ASPRV1: variants seen among roughly 807,000 people sequenced by gnomAD.
The protein encoded by ASPRV1 is retroviral-like aspartic protease 1.
In ASPRV1, 7 loss-of-function variants were observed where a neutral mutation model predicts 11.0. That is an observed-to-expected ratio of 0.64 (90% CI 0.36 to 1.20). The LOEUF is 1.20. Ranked by LOEUF, ASPRV1 falls within the 50% of genes most tolerant of loss-of-function variation. ASPRV1 has a pLI of 0.02. For missense variants in ASPRV1, 299 were observed against 320.0 expected, an observed-to-expected ratio of 0.93 and a Z score of 0.50; for synonymous variants, 136 against 138.4, an observed-to-expected ratio of 0.98 and a Z score of 0.12.
At chr2:70,048,276 G>A in the ASPRV1 span, among the ~76,000 whole-genome samples, 12 of 151,236 alleles carry the variant, frequency 7.9e-5, no homozygotes, top group East Asian at 1.6e-3. Flanking sequence ...TTAGCCGGGC[G>A]TGGTGGCAGG....
At chr2:69,977,784 G>A in the ASPRV1 span, among the ~76,000 whole-genome samples, 1 of 152,206 alleles carries the variant, frequency 6.6e-6, no homozygotes, top group African/African-American at 2.4e-5. Flanking sequence ...GGAAAGTTGG[G>A]TGGAATGCAT....
the ASPRV1 span, among the ~76,000 whole-genome samples, chr2:70,019,560 A>C: frequency 6.8e-4 from 104 of 152,376 alleles, no homozygotes; most frequent in Non-Finnish European, 1.3e-3. Context: ...GTACATATAC[A>C]CAATGGAGTA....
the ASPRV1 span, among the ~76,000 whole-genome samples, chr2:69,994,572 G>A: frequency 6.6e-6 from 1 of 152,146 alleles, no homozygotes; most frequent in Non-Finnish European, 1.5e-5. Flanking sequence ...AGTTGGGAAG[G>A]GCTGGCTGTC....
At chr2:70,021,761 G>A in the ASPRV1 span, among the ~76,000 whole-genome samples, 1 of 151,680 alleles carries the variant, frequency 6.6e-6, no homozygotes, top group African/African-American at 2.4e-5. Context: ...GGAGTGAGGT[G>A]GCACGATCTC....
chr2:70,046,923 T>C, the ASPRV1 span: 1 of 152,206 alleles, frequency 6.6e-6, no homozygotes, highest in Non-Finnish European at 1.5e-5. Context: ...TTCTTTATAC[T>C]TGTTTTGCAT....
the ASPRV1 span, chr2:70,059,582 G>C: frequency 6.5e-6 from 1 of 152,884 alleles, no homozygotes. Flanking sequence ...TACATTTATT[G>C]TGCACGTTAT....
At chr2:70,066,119 C>G in the ASPRV1 span, among the ~76,000 whole-genome samples, 3 of 151,798 alleles carry the variant, frequency 2.0e-5, no homozygotes, top group African/African-American at 7.3e-5. Flanking sequence ...TGAGGCAGGA[C>G]AATCGCTTGA....
chr2:69,937,005 A>G, the ASPRV1 span: 1 of 648,168 alleles, frequency 1.5e-6, no homozygotes, highest in East Asian at 3.3e-5. Flanking sequence ...TCACCCCCAG[A>G]ATCCCTGTGA....
the ASPRV1 span, among the ~76,000 whole-genome samples, chr2:70,074,416 G>C: frequency 4.6e-5 from 7 of 151,132 alleles, no homozygotes; most frequent in Non-Finnish European, 1.0e-4. Flanking sequence ...AGCCTCCCGA[G>C]TAGCTGGGAC....
At chr2:69,996,662 C>A in the ASPRV1 span, 12 of 454,554 alleles carry the variant, frequency 2.6e-5, no homozygotes, top group Middle Eastern at 6.5e-4. Flanking sequence ...CTGAGAGAGG[C>A]ACTGGAATGA....
chr2:70,087,121 T>A, the ASPRV1 span: 1 of 152,126 alleles, frequency 6.6e-6, no homozygotes, highest in Non-Finnish European at 1.5e-5. Context: ...TGCCTGCAGT[T>A]TCCGCCGGGG....
the ASPRV1 span, among the ~76,000 whole-genome samples, chr2:70,082,156 T>C: frequency 3.0e-4 from 46 of 152,006 alleles, no homozygotes; most frequent in South Asian, 1.0e-3. Flanking sequence ...TGTGTGTGTG[T>C]GTATTTTTAG....
At chr2:70,057,040 A>C in the ASPRV1 span, among the ~76,000 whole-genome samples, 5 of 151,910 alleles carry the variant, frequency 3.3e-5, no homozygotes, top group Non-Finnish European at 5.9e-5. Flanking sequence ...CCCAGCTCAC[A>C]ACTACTCTTT....
chr2:70,080,340 C>T, the ASPRV1 span, among the ~76,000 whole-genome samples: 3 of 152,082 alleles, frequency 2.0e-5, no homozygotes, highest in Admixed American at 6.6e-5. Flanking sequence ...AATTCTCCTA[C>T]CTCAGCCACC....
the ASPRV1 span, among the ~76,000 whole-genome samples, chr2:70,005,244 G>A: frequency 2.0e-5 from 3 of 152,094 alleles, no homozygotes; most frequent in Non-Finnish European, 4.4e-5. Context: ...ACTTTTTGTG[G>A]AGACGGGGTT....
At chr2:69,958,851 C>T (rs948082572), downstream of ASPRV1, among the ~76,000 whole-genome samples, 3 of 152,190 alleles carry the variant, frequency 2.0e-5, no homozygotes, top group Non-Finnish European at 4.4e-5. Flanking sequence ...TCCAGTTCTC[C>T]CACCCACTTC....
chr2:69,934,633 A>G, the ASPRV1 span, among the ~76,000 whole-genome samples: 6 of 152,238 alleles, frequency 3.9e-5, no homozygotes, highest in Non-Finnish European at 8.8e-5. Context: ...TTGTCTACAT[A>G]CAAGAAAACA....
At chr2:69,974,895 G>A in the ASPRV1 span, among the ~76,000 whole-genome samples, 1 of 152,368 alleles carries the variant, frequency 6.6e-6, no homozygotes, top group South Asian at 2.1e-4. Flanking sequence ...GCTGTTCCTG[G>A]AGGTCGGGGT....
At chr2:69,947,910 G>A in the ASPRV1 span, among the ~76,000 whole-genome samples, 2 of 152,158 alleles carry the variant, frequency 1.3e-5, no homozygotes, top group African/African-American at 4.8e-5. Flanking sequence ...GTGCTGACCT[G>A]GGTCTGATTC....
Sources: allele counts gnomAD v4.1 joint callset (sites outside exome capture counted in the v4.1 genomes callset), GRCh38; gene constraint gnomAD v4.1.1; transcripts MANE v1.5; gene names NCBI Gene and HGNC (gene_info 2026-07-23, HGNC 2026-07-21).